SASH1: variants seen among roughly 807,000 people sequenced by gnomAD.
The protein encoded by SASH1 is SAM and SH3 domain containing 1, also known as SAM and SH3 domain-containing protein 1.
Under a neutral mutation model 125.2 loss-of-function variants are expected in SASH1, and 44 were observed. The ratio of observed to expected loss-of-function variants is 0.35; its 90% CI spans 0.28 to 0.45. The LOEUF (loss-of-function observed/expected upper bound fraction) is 0.45. SASH1 is among the 20% of genes least tolerant of loss of function. The probability of loss-of-function intolerance (pLI) is 1.00; values close to 1 mark genes in which losing one functional copy is unlikely to be tolerated. For missense variants in SASH1, 1,426 were observed against 1,614.5 expected (o/e 0.88, Z 2.00); for synonymous variants, 639 against 649.1 (o/e 0.98, Z 0.24).
chr6:148,490,364 G>A (rs1210686083), intron 8 of SASH1, among the ~76,000 whole-genome samples: 2 of 151,876 alleles, frequency 1.3e-5, no homozygotes, highest in African/African-American at 2.4e-5. Flanking sequence ...GTGCACTCCC[G>A]CACTCAGCTA....
At chr6:148,230,882 C>A in the SASH1 span, among the ~76,000 whole-genome samples, 2 of 152,088 alleles carry the variant, frequency 1.3e-5, no homozygotes, top group Non-Finnish European at 2.9e-5. Flanking sequence ...ATACAAATTC[C>A]TTATCAAATA....
intron 2 of SASH1, among the ~76,000 whole-genome samples, chr6:148,402,008 T>C (rs977977942): frequency 2.0e-5 from 3 of 152,192 alleles, no homozygotes; most frequent in African/African-American, 4.8e-5. Context: ...GAATTCTTCA[T>C]TGGAGTCAGT....
chr6:148,300,256 A>C (rs4435962), intron 1 of SASH1, among the ~76,000 whole-genome samples: 144,699 of 152,100 alleles, frequency 0.95, 68,830 homozygotes, highest in East Asian at 0.99. Flanking sequence ...CTCTATTGTC[A>C]GCCTTGGTAA....
intron 2 of SASH1, among the ~76,000 whole-genome samples, chr6:148,400,251 G>T (rs1029014275): frequency 1.3e-5 from 2 of 152,216 alleles, no homozygotes; most frequent in African/African-American, 2.4e-5. Flanking sequence ...ACCCTGTGTG[G>T]GGCCTGAGGC....
rs908041703 is a variant in SASH1, at chr6:148,532,552, C to T, written c.1565-245C>T. ...GCAGTGTCCTCCACGCGGGATCCTC[C>T]GTGCCACATGGATTCCCAGGTCATG... On this transcript the variant is annotated intron_variant, in intron 13 of 19. Coordinates refer to ENST00000367467, the MANE Select transcript of SASH1 (RefSeq NM_015278.5). This position sits in a 1 kb window ranked among gnomAD's most constrained non-coding sequence, Gnocchi z 4.7. Among the ~76,000 whole-genome samples the T allele has an allele frequency of 1.1e-4, 17 of 152,138 alleles. No homozygotes were observed. The highest frequency in any genetic ancestry group is 4.1e-4 in the African/African-American group (17 of 41,420).
chr6:148,401,064 G>A (rs1478865106), intron 2 of SASH1, among the ~76,000 whole-genome samples: 1 of 151,996 alleles, frequency 6.6e-6, no homozygotes, highest in African/African-American at 2.4e-5. Flanking sequence ...GGGCAACATG[G>A]TGAAATCCCA....
chr6:148,205,177 G>A, the SASH1 span, among the ~76,000 whole-genome samples: 2 of 152,032 alleles, frequency 1.3e-5, no homozygotes, highest in African/African-American at 2.4e-5. Flanking sequence ...AATGTCATTC[G>A]CCTCGCTCGG....
At chr6:148,292,146 G>A (rs1010161423) in intron 1 of SASH1, among the ~76,000 whole-genome samples, 10 of 152,224 alleles carry the variant, frequency 6.6e-5, no homozygotes, top group Non-Finnish European at 1.3e-4. Flanking sequence ...AGTAGACAGA[G>A]TTGTCTTCTG....
At chr6:148,461,025 A>G (rs60460018) in intron 4 of SASH1, among the ~76,000 whole-genome samples, 13,252 of 152,286 alleles carry the variant, frequency 0.087, 679 homozygotes, top group Middle Eastern at 0.14. Context: ...TGCTCTGTGA[A>G]TAGTTACAAG....
At chr6:148,217,745 C>T in the SASH1 span, among the ~76,000 whole-genome samples, 1 of 151,766 alleles carries the variant, frequency 6.6e-6, no homozygotes, top group Admixed American at 6.6e-5. Context: ...TGGCTCTCGC[C>T]TATAATCCCA....
At chr6:148,361,790 C>T (rs1782218786) in intron 1 of SASH1, among the ~76,000 whole-genome samples, 1 of 151,998 alleles carries the variant, frequency 6.6e-6, no homozygotes, top group South Asian at 2.1e-4. Context: ...TGGGTTGGAC[C>T]AGTGTGGAAG....
chr6:148,413,914 AAT>A (rs1249095851), intron 2 of SASH1, among the ~76,000 whole-genome samples: 4 of 152,052 alleles, frequency 2.6e-5, no homozygotes, highest in Non-Finnish European at 5.9e-5. Flanking sequence ...AAAAAGAATA[AAT>A]ATATGGGGAA....
At chr6:148,478,023 G>A (rs1778446391) in intron 7 of SASH1, among the ~76,000 whole-genome samples, 1 of 152,106 alleles carries the variant, frequency 6.6e-6, no homozygotes, top group South Asian at 2.1e-4. Context: ...CAAAAGACAG[G>A]CAATAACAAA....
chr6:148,261,866 G>C, the SASH1 span, among the ~76,000 whole-genome samples: 3 of 152,280 alleles, frequency 2.0e-5, no homozygotes, highest in African/African-American at 4.8e-5. Flanking sequence ...TAGGCATGGT[G>C]GGGGATGGGC....
intron 1 of SASH1, among the ~76,000 whole-genome samples, chr6:148,321,254 G>A (rs1042997517): frequency 6.6e-6 from 1 of 152,066 alleles, no homozygotes; most frequent in African/African-American, 2.4e-5. Context: ...AGCCTGGCGT[G>A]GTGGCGCATG....
chr6:148,532,983 C>T lies in SASH1; in HGVS notation c.1734+17C>T. 1.9e-6 allele frequency: 3 copies of T among 1,612,358 alleles called. No homozygotes were observed. The highest frequency in any genetic ancestry group is 2.5e-6 in the Non-Finnish European group (3 of 1,178,698). On this transcript the variant is annotated intron_variant, in intron 14 of 19. Transcript: ENST00000367467. The surrounding 1 kb of genome is among the most constrained non-coding windows in gnomAD (Gnocchi z 4.7). ...AAGCTCAAGGTATCTCTCTCCCTGG[C>T]CTCAGAGCAGCTAACTGGGCTCTTC...
At chr6:148,541,936 T>G (rs1782246232) in intron 17 of SASH1, among the ~76,000 whole-genome samples, 1 of 152,226 alleles carries the variant, frequency 6.6e-6, no homozygotes, top group Admixed American at 6.5e-5. Context: ...TCACCTAGTA[T>G]CCCAGTACAT....
At chr6:148,267,154 T>A in the SASH1 span, among the ~76,000 whole-genome samples, 1 of 152,220 alleles carries the variant, frequency 6.6e-6, no homozygotes, top group Non-Finnish European at 1.5e-5. Context: ...AAGACACACA[T>A]CTGTAAAAGC....
chr6:148,368,054 C>T (rs1421999877), intron 1 of SASH1, among the ~76,000 whole-genome samples: 1 of 152,222 alleles, frequency 6.6e-6, no homozygotes, highest in African/African-American at 2.4e-5. Context: ...CTGTAGGCAT[C>T]TCAGGAGTAC....
Sources: allele counts gnomAD v4.1 joint callset (sites outside exome capture counted in the v4.1 genomes callset), GRCh38; gene constraint gnomAD v4.1.1; non-coding constraint Gnocchi (gnomAD v3.1); transcripts MANE v1.5; gene names NCBI Gene and HGNC (gene_info 2026-07-23, HGNC 2026-07-21).